ANKMY2: variants seen among roughly 807,000 people sequenced by gnomAD.
ANKMY2 encodes ankyrin repeat and MYND domain-containing protein 2.
A neutral mutation model predicts 50.4 loss-of-function variants in ANKMY2; 36 were observed. The ratio of observed to expected loss-of-function variants is 0.71; its 90% confidence interval spans 0.55 to 0.94. ANKMY2 has a LOEUF of 0.94. ANKMY2 is among the 40% of genes least tolerant of loss of function. ANKMY2 has a pLI of 0.00. For missense variants in ANKMY2, 565 were observed against 524.0 expected, an observed-to-expected ratio of 1.08 and a Z score of -0.76; for synonymous variants, 187 against 178.8, an observed-to-expected ratio of 1.05 and a Z score of -0.36.
At chr7:16,632,501 A>C (rs949530953) in intron 2 of ANKMY2, among the ~76,000 whole-genome samples, 1 of 152,202 alleles carries the variant, frequency 6.6e-6, no homozygotes, top group African/African-American at 2.4e-5. Flanking sequence ...ATGGAATCCT[A>C]AAATATGCAA....
chr7:16,603,314 T>C (rs1303677881), intron 8 of ANKMY2, among the ~76,000 whole-genome samples: 2 of 152,078 alleles, frequency 1.3e-5, no homozygotes, highest in Admixed American at 6.6e-5. Flanking sequence ...CAGTACAGGA[T>C]GTAAGAGTGA....
At position 16,600,706 on chromosome 7, in the gene ANKMY2, G is replaced by T; in HGVS notation, c.*55C>A. On this transcript the variant is annotated 3_prime_UTR_variant, in exon 10 of 10. Transcript: ENST00000306999. ...AGGTGAGGACAATGCATTCCTAGGAGTTTTCCAGCTTCTTGCAGGGTGAGG... is the reference window on the plus strand; with the variant it reads ...AGGTGAGGACAATGCATTCCTAGGATTTTTCCAGCTTCTTGCAGGGTGAGG... 1 of 1,485,814 alleles carries T rather than the reference G, an allele frequency of 6.7e-7. No individual in the cohort carries two copies. The highest frequency in any genetic ancestry group is 9.0e-7 in the Non-Finnish European group (1 of 1,108,752). 92.0% of individuals were successfully genotyped at this position (1,485,814 alleles called of 1,614,324 possible).
rs1781333914 is a variant in ANKMY2, at chr7:16,615,724, T to C, written c.531+20A>G. 2 of 1,613,536 alleles carry C rather than the reference T, an allele frequency of 1.2e-6. No homozygotes were observed. The highest frequency in any genetic ancestry group is 1.3e-5 in the African/African-American group (1 of 74,862). ...AAGCAATATTTACATAAAAAGCAAA[T>C]ACGGTAGACACCACACTACCTTGAC... On this transcript the variant is annotated intron_variant, in intron 5 of 9. Transcript: ENST00000306999.
rs543997453 is a variant in ANKMY2 at position 16,624,965 on chromosome 7, A to C, written c.370+18T>G. The stretch of plus-strand genomic sequence containing the variant: ...AATTTTGGGTATAATCTAATGCAAA[A>C]CTGCAGCAAAATCTCACCCACAAAG... On this transcript the variant is annotated intron_variant, in intron 4 of 9. Coordinates refer to ENST00000306999, the MANE Select transcript of ANKMY2 (RefSeq NM_020319.3). 6.2e-7 allele frequency: 1 copy of C among 1,609,848 alleles called. No individual in the cohort carries two copies. The highest frequency in any genetic ancestry group is 8.5e-7 in the Non-Finnish European group (1 of 1,177,204).
chr7:16,608,165 C>A (rs1781190630), intron 7 of ANKMY2, among the ~76,000 whole-genome samples: 1 of 152,190 alleles, frequency 6.6e-6, no homozygotes, highest in Non-Finnish European at 1.5e-5. Flanking sequence ...CCTAGTCTGC[C>A]TACCTTTGGG....
chr7:16,639,046 G>A (rs944195636), intron 1 of ANKMY2, among the ~76,000 whole-genome samples: 6 of 152,102 alleles, frequency 3.9e-5, no homozygotes, highest in African/African-American at 1.4e-4. Context: ...GCTTCTAGAG[G>A]GTAAAAATAG....
intron 2 of ANKMY2, among the ~76,000 whole-genome samples, chr7:16,628,907 TTAAACA>T (rs147135777): frequency 0.19 from 25,097 of 130,568 alleles, 2,354 homozygotes; most frequent in Middle Eastern, 0.25. Flanking sequence ...GGCCTCTAGT[TTAAACA>T]AAACAAAACA....
At chr7:16,602,302 C>G (rs755463501) in intron 9 of ANKMY2, 78 bp downstream of exon 9, 30 of 1,518,288 alleles carry the variant, frequency 2.0e-5, no homozygotes, top group African/African-American at 4.2e-5. Flanking sequence ...AGAGAAGACG[C>G]AGTTTCAGTG....
At chr7:16,628,526 G>A (rs982491591) in intron 2 of ANKMY2, among the ~76,000 whole-genome samples, 6 of 151,914 alleles carry the variant, frequency 3.9e-5, no homozygotes, top group Middle Eastern at 3.4e-3. Flanking sequence ...TGGGTGGGTG[G>A]GTGTGGGTAA....
intron 8 of ANKMY2, among the ~76,000 whole-genome samples, chr7:16,603,178 G>A (rs1316147902): frequency 6.6e-6 from 1 of 152,206 alleles, no homozygotes; most frequent in Non-Finnish European, 1.5e-5. Context: ...AACCCGCTAT[G>A]TGCCAGAATT....
intron 9 of ANKMY2, among the ~76,000 whole-genome samples, chr7:16,602,102 G>A (rs1781075602): frequency 6.6e-6 from 1 of 151,974 alleles, no homozygotes; most frequent in African/African-American, 2.4e-5. Context: ...ACCCATTAAG[G>A]GTCCCATTGT....
intron 2 of ANKMY2, among the ~76,000 whole-genome samples, chr7:16,635,490 T>G (rs1781646007): frequency 6.6e-6 from 1 of 152,288 alleles, no homozygotes; most frequent in Middle Eastern, 3.4e-3. Flanking sequence ...ACCTTAAATA[T>G]GTATAGCTTA....
intron 2 of ANKMY2, among the ~76,000 whole-genome samples, chr7:16,632,244 G>C (rs1781599865): frequency 6.6e-6 from 1 of 150,858 alleles, no homozygotes; most frequent in African/African-American, 2.5e-5. Flanking sequence ...CTGTTTTATT[G>C]AGATACAATT....
rs200413443 is a variant in ANKMY2 at position 16,600,943 on chromosome 7, C to T, written c.1144G>A (p.Gly382Ser). ...AKEKRQEENH[G>S]KLDVNSNCVN... ...CAGTTAGAATTGACATCAAGTTTGC[C>T]GTCTGATTAAAAAAAGAAGAAGTTA... The change falls in exon 10 of 10, where the codon GGC becomes AGC. Residue 382 changes from glycine (G) to serine (S), a missense_variant and splice_region_variant. Coordinates refer to ENST00000306999, the MANE Select transcript of ANKMY2 (RefSeq NM_020319.3). The T allele has an allele frequency of 2.7e-5, 43 of 1,575,992 alleles. No homozygotes were observed. The East Asian group carries it at 4.8e-4, about 17-fold the overall frequency.
In ANKMY2 at chr7:16,600,692, A is replaced by G; in HGVS notation, c.*69T>C. Reference sequence around the variant, plus strand: ...ACGCAGGTATAACAAGGTGAGGACAATGCATTCCTAGGAGTTTTCCAGCTT... The same window carrying G: ...ACGCAGGTATAACAAGGTGAGGACAGTGCATTCCTAGGAGTTTTCCAGCTT... On this transcript the variant is annotated 3_prime_UTR_variant, in exon 10 of 10. Transcript: ENST00000306999. 1 of 1,412,002 alleles carries G rather than the reference A, an allele frequency of 7.1e-7. No homozygotes were observed. The highest frequency in any genetic ancestry group is 2.3e-5 in the Admixed American group (1 of 43,464). 87.5% of individuals were successfully genotyped at this position (1,412,002 alleles called of 1,614,324 possible). A position where few individuals can be genotyped will look rare whatever the true frequency, so the allele number is the denominator to read the frequency against.
chr7:16,612,043 A>G (rs1463961407), intron 5 of ANKMY2, among the ~76,000 whole-genome samples: 1 of 152,212 alleles, frequency 6.6e-6, no homozygotes, highest in Non-Finnish European at 1.5e-5. Context: ...TGGTTGTAAG[A>G]CAAGAACTTG....
At position 16,600,044 on chromosome 7, in the gene ANKMY2, T is replaced by C. The variant is rs1444930122; in HGVS notation, c.*717A>G. The C allele has an allele frequency of 6.6e-6, 1 of 152,212 alleles. No homozygotes were observed. Among genetic ancestry groups the C allele is most frequent in the African/African-American group, 2.4e-5 (1 of 41,456 alleles). The allele number at this position is 152,212 out of a possible 1,614,324, so 9.4% of individuals were successfully genotyped here. A position where few individuals can be genotyped will look rare whatever the true frequency, so the allele number is the denominator to read the frequency against. On this transcript the variant is annotated 3_prime_UTR_variant, in exon 10 of 10. Coordinates refer to ENST00000306999, the MANE Select transcript of ANKMY2 (RefSeq NM_020319.3). ...ATTGTGTACATAGTATGTTTAGTCA[T>C]TATTGAATCAAAAGTTTCAGGAAGT...
rs1401676280 is a variant in ANKMY2 at position 16,636,390 on chromosome 7, C to T, written c.132+1G>A. On this transcript the variant is annotated splice_donor_variant, in intron 2 of 9. Transcript: ENST00000306999. LOFTEE classifies it high-confidence loss of function. ...CCTTTATTAAACTTCTAAAATCTTA[C>T]CTCGTCCAAACAGTTGACACGAACA... The T allele has an allele frequency of 6.5e-7, 1 of 1,550,158 alleles. No individual in the cohort carries two copies. Among genetic ancestry groups the T allele is most frequent in the Admixed American group, 1.8e-5 (1 of 56,316 alleles).
chr7:16,613,538 C>T (rs577818443), intron 5 of ANKMY2, among the ~76,000 whole-genome samples: 1 of 152,132 alleles, frequency 6.6e-6, no homozygotes, highest in South Asian at 2.1e-4. Flanking sequence ...ATAGGATAGC[C>T]CCCTTCATAC....
Sources: gnomAD v4.1 joint callset for allele counts (sites outside exome capture counted in the v4.1 genomes callset) on GRCh38, gnomAD v4.1.1 for gene constraint, MANE v1.5 for transcripts, NCBI Gene and HGNC (gene_info 2026-07-23, HGNC 2026-07-21) for gene names.